Variants in HCRTR2 observed in about 807,000 individuals in gnomAD.
HCRTR2 encodes the protein orexin receptor type 2.
Under a neutral mutation model 49.0 loss-of-function variants are expected in HCRTR2, and 22 were observed. That is an observed-to-expected ratio of 0.45 (90% confidence interval 0.32 to 0.64). The LOEUF (loss-of-function observed/expected upper bound fraction) is 0.64. HCRTR2 is among the 30% of genes least tolerant of loss of function. The pLI, the probability that HCRTR2 is intolerant of heterozygous loss-of-function variation, is 0.04. For synonymous variants in HCRTR2, 236 were observed against 205.3 expected, an observed-to-expected ratio of 1.15 and a Z score of -1.28; for missense variants, 491 against 559.4, an observed-to-expected ratio of 0.88 and a Z score of 1.23.
rs946456766 is a variant in HCRTR2, at chr6:55,120,641, G to T, written c.-378+14096G>T. On this transcript the variant is annotated intron_variant, in intron 1 of 7. Coordinates refer to the HCRTR2 transcript ENST00000615358. ...TTCCTGAAGTTGCTTATCAGCTTAC[G>T]GAGATTTGGAGCTGAGATGATAGGG... 2.0e-5 allele frequency among the ~76,000 whole-genome samples: 3 copies of T among 150,908 alleles called. 1 individual carries two copies. The highest frequency in any genetic ancestry group is 7.4e-5 in the African/African-American group (3 of 40,348).
At chr6:55,228,193 G>C (rs1483804396) in intron 1 of HCRTR2, among the ~76,000 whole-genome samples, 1 of 151,008 alleles carries the variant, frequency 6.6e-6, no homozygotes, top group Non-Finnish European at 1.5e-5. Context: ...GGGAAAAGAA[G>C]TCAAGCGGAA....
In HCRTR2 at chr6:55,174,736, C is replaced by G. The variant is rs368941750; in HGVS notation, c.149C>G (p.Pro50Arg). The change falls in exon 1 of 7, where the codon CCG becomes CGG. Residue 50 changes from proline (P) to arginine (R), a missense_variant. Physicochemically the swap from Pro to Arg is moderately radical, Grantham distance 103. Transcript: ENST00000370862. ...LRYLWREYLH[P>R]KEYEWVLIAG... ...TACCTGTGGAGGGAATACCTGCACC[C>G]GAAAGAATATGAGTGGGTCCTGATC... 1 of 1,613,894 alleles carries G rather than the reference C, an allele frequency of 6.2e-7. No homozygotes were observed. The highest frequency in any genetic ancestry group is 8.5e-7 in the Non-Finnish European group (1 of 1,180,014).
intron 1 of HCRTR2, among the ~76,000 whole-genome samples, chr6:55,231,903 C>G (rs766746929): frequency 4.6e-5 from 7 of 152,082 alleles, no homozygotes; most frequent in Admixed American, 4.6e-4. Flanking sequence ...TCAAATTTAA[C>G]GTGTTCCAAA....
Position 55,231,195 on chromosome 6 carries a change from T to A in HCRTR2, c.224-17444T>A, listed in dbSNP as rs111461217. Among the ~76,000 whole-genome samples the A allele has an allele frequency of 1.5e-3, 232 of 152,260 alleles. 3 individuals are homozygous for A. Among genetic ancestry groups the A allele is most frequent in the African/African-American group, 5.3e-3 (222 of 41,558 alleles). On this transcript the variant is annotated intron_variant, in intron 1 of 6. Coordinates refer to ENST00000370862, the MANE Select transcript of HCRTR2 (RefSeq NM_001384272.1). ...GAAATTTATACATAACACTCACTTA[T>A]GTTTATCACTCACTTATATTTATAA...
intron 1 of HCRTR2, among the ~76,000 whole-genome samples, chr6:55,150,600 T>A (rs560017188): frequency 6.6e-6 from 1 of 152,034 alleles, no homozygotes; most frequent in South Asian, 2.1e-4. Flanking sequence ...TTTGTCTTTT[T>A]TATGTCTGGC....
chr6:55,128,140 G>A (rs1454870445), intron 1 of HCRTR2, among the ~76,000 whole-genome samples: 1 of 152,112 alleles, frequency 6.6e-6, no homozygotes, highest in Non-Finnish European at 1.5e-5. Context: ...TTCTTCATAT[G>A]GCTGGCTAGT....
chr6:55,228,135 G>A (rs934499130), intron 1 of HCRTR2, among the ~76,000 whole-genome samples: 2 of 152,092 alleles, frequency 1.3e-5, no homozygotes, highest in African/African-American at 4.8e-5. Context: ...AACCTCAGCA[G>A]AAGGAGCATG....
intron 1 of HCRTR2, among the ~76,000 whole-genome samples, chr6:55,122,566 T>C (rs1260181927): frequency 1.3e-5 from 2 of 152,126 alleles, no homozygotes; most frequent in Non-Finnish European, 2.9e-5. Flanking sequence ...AGGGTGTTAA[T>C]TTTAGATCTT....
intron 1 of HCRTR2, among the ~76,000 whole-genome samples, chr6:55,190,303 C>T (rs776641952): frequency 3.8e-4 from 58 of 152,028 alleles, no homozygotes; most frequent in Non-Finnish European, 6.0e-4. Flanking sequence ...GATTTGATGA[C>T]GGATTGCCTT....
chr6:55,274,352 A>AATATATATATTTAT (rs1562030332), intron 4 of HCRTR2, among the ~76,000 whole-genome samples: 1 of 148,086 alleles, frequency 6.8e-6, no homozygotes, highest in African/African-American at 2.5e-5. Context: ...TATTTTATGA[A>AATATATATATTTAT]ATGTATGCCT....
intron 1 of HCRTR2, among the ~76,000 whole-genome samples, chr6:55,146,080 T>C (rs187428150): frequency 2.0e-3 from 299 of 152,294 alleles, no homozygotes; most frequent in Middle Eastern, 0.014. Flanking sequence ...AAAAATATAG[T>C]ATTAGCTGCA....
chr6:55,279,637 T>C (rs1767149915), intron 5 of HCRTR2, among the ~76,000 whole-genome samples: 1 of 152,072 alleles, frequency 6.6e-6, no homozygotes, highest in South Asian at 2.1e-4. Context: ...AGCTGTAAGT[T>C]ATCTGTTATA....
chr6:55,254,763 TG>T (rs901441512), intron 2 of HCRTR2, among the ~76,000 whole-genome samples: 4 of 151,192 alleles, frequency 2.6e-5, no homozygotes, highest in Non-Finnish European at 4.4e-5. Context: ...TAAACATATG[TG>T]TTTTTTTTTT....
At chr6:55,174,507 T>C, upstream of HCRTR2, 1 of 1,222,648 alleles carries the variant, frequency 8.2e-7, no homozygotes, top group Non-Finnish European at 1.2e-6. Context: ...CGCGCAGCCT[T>C]TCCCACCGCA....
chr6:55,199,168 A>G (rs1166410701), intron 1 of HCRTR2, among the ~76,000 whole-genome samples: 1 of 152,114 alleles, frequency 6.6e-6, no homozygotes, highest in Non-Finnish European at 1.5e-5. Flanking sequence ...AATGACAAAA[A>G]CACACACGAC....
chr6:55,233,233 C>A (rs920838480), intron 1 of HCRTR2, among the ~76,000 whole-genome samples: 54 of 151,860 alleles, frequency 3.6e-4, no homozygotes, highest in African/African-American at 1.2e-3. Context: ...GGATTACAGG[C>A]GCCCACCACC....
At chr6:55,173,065 GAAAAGAAAAATACTAA>G (rs2127268094), upstream of HCRTR2, among the ~76,000 whole-genome samples, 1 of 152,180 alleles carries the variant, frequency 6.6e-6, no homozygotes, top group South Asian at 2.1e-4. Flanking sequence ...GAACAACATT[GAAAAGAAAAATACTAA>G]AAAAGAAACA....
intron 1 of HCRTR2, among the ~76,000 whole-genome samples, chr6:55,232,513 C>T (rs1433720559): frequency 6.6e-6 from 1 of 152,118 alleles, no homozygotes; most frequent in Non-Finnish European, 1.5e-5. Flanking sequence ...AGTGTGAGCC[C>T]TAAAACTAGG....
intron 1 of HCRTR2, among the ~76,000 whole-genome samples, chr6:55,187,751 T>C (rs1054585114): frequency 6.6e-6 from 1 of 150,540 alleles, no homozygotes; most frequent in East Asian, 2.0e-4. Context: ...GTGTTAGTTG[T>C]CTGAATACCT....
Sources: allele counts gnomAD v4.1 joint callset (sites outside exome capture counted in the v4.1 genomes callset), GRCh38; gene constraint gnomAD v4.1.1; transcripts MANE v1.5; gene names NCBI Gene and HGNC (gene_info 2026-07-23, HGNC 2026-07-21).